HTR7: variants seen among roughly 807,000 people sequenced by gnomAD.
HTR7 encodes the protein 5-hydroxytryptamine receptor 7.
In HTR7, 16 loss-of-function variants were observed where a neutral mutation model predicts 34.0. That is an observed-to-expected ratio of 0.47 (90% confidence interval 0.32 to 0.71). The LOEUF is 0.71. Ranked by LOEUF, HTR7 falls within the 30% of genes least tolerant of loss-of-function variation. HTR7 has a pLI of 0.04. For synonymous variants in HTR7, 265 were observed against 260.2 expected (o/e 1.02, Z -0.18); for missense variants, 504 against 625.5 (o/e 0.81, Z 2.07).
intron 1 of HTR7, among the ~76,000 whole-genome samples, chr10:90,762,276 T>TGAA (rs1844951491): frequency 6.6e-6 from 1 of 152,252 alleles, no homozygotes; most frequent in Non-Finnish European, 1.5e-5. Context: ...TTCCCTTTTC[T>TGAA]CAGCATCCTC....
chr10:90,837,961 T>C (rs1337986507), intron 1 of HTR7, among the ~76,000 whole-genome samples: 1 of 152,208 alleles, frequency 6.6e-6, no homozygotes. Context: ...CAGGTGTTCC[T>C]CATATCGCAC....
At chr10:90,836,141 C>A (rs192142004) in intron 1 of HTR7, among the ~76,000 whole-genome samples, 19 of 152,204 alleles carry the variant, frequency 1.2e-4, no homozygotes, top group African/African-American at 4.6e-4. Flanking sequence ...CATCTGAACT[C>A]GATTATTGGA....
intron 1 of HTR7, among the ~76,000 whole-genome samples, chr10:90,768,513 G>T (rs1845057576): frequency 1.3e-5 from 2 of 151,882 alleles, no homozygotes. Context: ...TTGTCCAAAT[G>T]CAAGCAAATA....
chr10:90,839,046 A>G (rs1846290868), intron 1 of HTR7, among the ~76,000 whole-genome samples: 1 of 152,230 alleles, frequency 6.6e-6, no homozygotes, highest in Admixed American at 6.5e-5. Flanking sequence ...TAAATATTAA[A>G]AAAGCAAAAA....
At chr10:90,768,934 C>T (rs544993234) in intron 1 of HTR7, among the ~76,000 whole-genome samples, 1 of 152,256 alleles carries the variant, frequency 6.6e-6, no homozygotes, top group South Asian at 2.1e-4. Flanking sequence ...TGTTGTTGGC[C>T]AAGGCTCGTG....
At position 90,742,201 on chromosome 10, in the gene HTR7, A is replaced by G. The variant is rs1844561680; in HGVS notation, c.*281T>C. ...GATTTGGACATATGCAAAGCACCAG[A>G]AACTGCTTCCTTTCTGGAACTCAGT... On this transcript the variant is annotated 3_prime_UTR_variant, in exon 4 of 4. Coordinates refer to ENST00000336152, the MANE Select transcript of HTR7 (RefSeq NM_019859.4). 1 of 268,278 alleles carries G rather than the reference A, an allele frequency of 3.7e-6. No homozygotes were observed. Among genetic ancestry groups the G allele is most frequent in the South Asian group, 1.3e-4 (1 of 7,580 alleles). 16.6% of individuals were successfully genotyped at this position (268,278 alleles called of 1,614,324 possible).
chr10:90,841,806 C>A (rs1485139820), intron 1 of HTR7, among the ~76,000 whole-genome samples: 1 of 152,092 alleles, frequency 6.6e-6, no homozygotes, highest in Non-Finnish European at 1.5e-5. Flanking sequence ...TCAAGACCAG[C>A]CTGGCCATCA....
intron 1 of HTR7, among the ~76,000 whole-genome samples, chr10:90,752,469 C>G (rs1844753440): frequency 6.6e-6 from 1 of 151,700 alleles, no homozygotes; most frequent in Admixed American, 6.6e-5. Flanking sequence ...ATAAAAGTAC[C>G]TATTTCCCCT....
chr10:90,759,927 A>C (rs1357122450), intron 1 of HTR7, among the ~76,000 whole-genome samples: 2 of 152,254 alleles, frequency 1.3e-5, no homozygotes, highest in Non-Finnish European at 2.9e-5. Flanking sequence ...CATATAGTTT[A>C]TACAAATCCA....
At chr10:90,799,638 T>C (rs1845595135) in intron 1 of HTR7, among the ~76,000 whole-genome samples, 1 of 152,178 alleles carries the variant, frequency 6.6e-6, no homozygotes, top group Non-Finnish European at 1.5e-5. Context: ...ATACCAGGTA[T>C]ATACACTGGT....
At chr10:90,769,282 A>G (rs141405775) in intron 1 of HTR7, among the ~76,000 whole-genome samples, 1 of 152,244 alleles carries the variant, frequency 6.6e-6, no homozygotes, top group East Asian at 1.9e-4. Flanking sequence ...TCATACTTTG[A>G]TAAGACCATT....
chr10:90,772,911 C>T (rs143957111), intron 1 of HTR7, among the ~76,000 whole-genome samples: 1 of 152,244 alleles, frequency 6.6e-6, no homozygotes, highest in African/African-American at 2.4e-5. Context: ...GAAACTGAGG[C>T]TCAGAAAGGT....
At chr10:90,819,804 A>G (rs763311948) in intron 1 of HTR7, among the ~76,000 whole-genome samples, 7 of 152,296 alleles carry the variant, frequency 4.6e-5, no homozygotes, top group Middle Eastern at 3.4e-3. Flanking sequence ...GTGGAGTTTA[A>G]GAAGTGTTTC....
chr10:90,758,601 A>C (rs56662980), intron 1 of HTR7, among the ~76,000 whole-genome samples: 35,031 of 152,002 alleles, frequency 0.23, 4,300 homozygotes, highest in African/African-American at 0.31. Flanking sequence ...ACATGTAAAA[A>C]GTATACAGTG....
rs561955187 is a variant in HTR7 at position 90,851,350 on chromosome 10, C to T, written c.539+5783G>A. Among the ~76,000 whole-genome samples, 12 of 152,180 alleles carry T rather than the reference C, an allele frequency of 7.9e-5. No individual in the cohort carries two copies. In the South Asian group the frequency reaches 2.5e-3, roughly 32 times the overall value. ...GGCTGGGTGCGTTGGCTCACACCTGCAATCCCAGCACTTTGGGAGGCCAAG... is the reference window on the plus strand; with the variant it reads ...GGCTGGGTGCGTTGGCTCACACCTGTAATCCCAGCACTTTGGGAGGCCAAG... On this transcript the variant is annotated intron_variant, in intron 1 of 3. Transcript: ENST00000336152.
At chr10:90,825,267 G>A (rs1040912898) in intron 1 of HTR7, among the ~76,000 whole-genome samples, 3 of 152,168 alleles carry the variant, frequency 2.0e-5, no homozygotes, top group Non-Finnish European at 4.4e-5. Flanking sequence ...CTATGAGTCT[G>A]CAGGCTTATA....
intron 1 of HTR7, among the ~76,000 whole-genome samples, chr10:90,818,373 C>T (rs1845929441): frequency 6.6e-6 from 1 of 152,158 alleles, no homozygotes; most frequent in South Asian, 2.1e-4. Context: ...TGGTGAAATC[C>T]TGTCTCTACT....
intron 1 of HTR7, among the ~76,000 whole-genome samples, chr10:90,793,781 C>G (rs973022305): frequency 6.6e-6 from 1 of 152,100 alleles, no homozygotes; most frequent in Non-Finnish European, 1.5e-5. Context: ...TAGGGAAGCT[C>G]GACAGTGCAG....
At chr10:90,814,685 T>C (rs1057339193) in intron 1 of HTR7, among the ~76,000 whole-genome samples, 2 of 152,126 alleles carry the variant, frequency 1.3e-5, no homozygotes, top group African/African-American at 4.8e-5. Context: ...AGTCTTTAGA[T>C]GGTTATTAAG....
Sources: gnomAD v4.1 joint callset for allele counts (sites outside exome capture counted in the v4.1 genomes callset) on GRCh38, gnomAD v4.1.1 for gene constraint, MANE v1.5 for transcripts, NCBI Gene and HGNC (gene_info 2026-07-23, HGNC 2026-07-21) for gene names.